KCNIP1: variants seen among roughly 807,000 people sequenced by gnomAD.
The protein encoded by KCNIP1 is A-type potassium channel modulatory protein KCNIP1.
KCNIP1 carries 18 observed loss-of-function variants against 33.0 expected under a neutral mutation model. The ratio of observed to expected loss-of-function variants is 0.55; its 90% CI spans 0.38 to 0.81. The LOEUF (loss-of-function observed/expected upper bound fraction) is 0.81. KCNIP1 is among the 30% of genes least tolerant of loss of function. The pLI is 0.00. For synonymous variants in KCNIP1, 93 were observed against 98.3 expected (o/e 0.95, Z 0.32); for missense variants, 238 against 271.6 (o/e 0.88, Z 0.87).
At chr5:170,360,234 C>A (rs1160494570) in intron 1 of KCNIP1, among the ~76,000 whole-genome samples, 1 of 152,174 alleles carries the variant, frequency 6.6e-6, no homozygotes, top group Non-Finnish European at 1.5e-5. Context: ...TCCCTGAAAG[C>A]CTTTGCTTCC....
At chr5:170,621,472 CACTTGAA>C (rs1262816901) in intron 1 of KCNIP1, among the ~76,000 whole-genome samples, 2 of 152,144 alleles carry the variant, frequency 1.3e-5, no homozygotes, top group African/African-American at 4.8e-5. Context: ...TGAGGGTCAG[CACTTGAA>C]TCTCTGCAGG....
At chr5:170,403,666 GC>G (rs1412367800) in intron 1 of KCNIP1, among the ~76,000 whole-genome samples, 1 of 152,220 alleles carries the variant, frequency 6.6e-6, no homozygotes, top group Admixed American at 6.5e-5. Flanking sequence ...TGGGATGGAA[GC>G]CGTGGTCAGC....
intron 1 of KCNIP1, among the ~76,000 whole-genome samples, chr5:170,407,019 C>T (rs1031211757): frequency 2.6e-5 from 4 of 152,252 alleles, no homozygotes; most frequent in African/African-American, 9.6e-5. Flanking sequence ...GCAAGATACT[C>T]AGCCTATGAA....
intron 1 of KCNIP1, among the ~76,000 whole-genome samples, chr5:170,693,120 G>C (rs1483429339): frequency 6.6e-6 from 1 of 152,172 alleles, no homozygotes; most frequent in Non-Finnish European, 1.5e-5. Flanking sequence ...GAATGGAAAT[G>C]CCCAGCCCAG....
chr5:170,567,961 G>A (rs962365320), intron 1 of KCNIP1, among the ~76,000 whole-genome samples: 10 of 152,164 alleles, frequency 6.6e-5, no homozygotes, highest in African/African-American at 2.4e-4. Flanking sequence ...AGGATGGCTC[G>A]GGTGTGTGGA....
chr5:170,563,632 GTT>G (rs34263461), intron 1 of KCNIP1, among the ~76,000 whole-genome samples: 2 of 149,174 alleles, frequency 1.3e-5, no homozygotes, highest in African/African-American at 2.4e-5. Context: ...AAGGTGTTTT[GTT>G]TTTTTTTTTG....
intron 1 of KCNIP1, among the ~76,000 whole-genome samples, chr5:170,546,396 A>G (rs1032309108): frequency 2.0e-5 from 3 of 152,124 alleles, no homozygotes; most frequent in South Asian, 2.1e-4. Context: ...GCAGTGTCCT[A>G]TGCGTTAAAG....
At chr5:170,408,317 A>C (rs1755090563) in intron 1 of KCNIP1, among the ~76,000 whole-genome samples, 1 of 152,200 alleles carries the variant, frequency 6.6e-6, no homozygotes, top group Admixed American at 6.5e-5. Context: ...GAGCAGGGCC[A>C]TTGGAGGGAG....
intron 1 of KCNIP1, among the ~76,000 whole-genome samples, chr5:170,517,680 GTGACGGTGGTGA>G (rs1755186220): frequency 6.6e-6 from 1 of 151,830 alleles, no homozygotes; most frequent in South Asian, 2.1e-4. Flanking sequence ...GGTGATGATA[GTGACGGTGGTGA>G]TGATGGTGAT....
At chr5:170,518,375 C>T (rs1373374111) in intron 1 of KCNIP1, among the ~76,000 whole-genome samples, 1 of 152,190 alleles carries the variant, frequency 6.6e-6, no homozygotes, top group Non-Finnish European at 1.5e-5. Context: ...TCAGCCCATG[C>T]CTTCAGATTT....
chr5:170,686,905 T>C (rs1581500642), intron 1 of KCNIP1, among the ~76,000 whole-genome samples: 3 of 152,234 alleles, frequency 2.0e-5, no homozygotes, highest in African/African-American at 7.2e-5. Context: ...AGATTCCTCC[T>C]CTCTACCTTG....
chr5:170,662,235 C>T (rs1761527532), intron 1 of KCNIP1, among the ~76,000 whole-genome samples: 1 of 152,202 alleles, frequency 6.6e-6, no homozygotes, highest in African/African-American at 2.4e-5. Context: ...TAAGCTCAGC[C>T]AGTGCAAAGA....
Position 170,504,112 on chromosome 5 carries a change from A to G in KCNIP1, c.-461A>G. 2 of 987,376 alleles carry G rather than the reference A, an allele frequency of 2.0e-6. No individual in the cohort carries two copies. Among genetic ancestry groups the G allele is most frequent in the Non-Finnish European group, 2.4e-6 (2 of 831,832 alleles). The allele number at this position is 987,376 out of a possible 1,614,324, so 61.2% of individuals were successfully genotyped here. A position where few individuals can be genotyped will look rare whatever the true frequency, so the allele number is the denominator to read the frequency against. ...GCGGTCCGGGCTCTGTTCATTCATG[A>G]TTGGTACTCGGCCCTCCGAGACCCA... On this transcript the variant is annotated 5_prime_UTR_variant, in exon 1 of 8. Coordinates refer to ENST00000328939, the MANE Select transcript of KCNIP1 (RefSeq NM_014592.4). This position sits in a 1 kb window ranked among gnomAD's most constrained non-coding sequence, Gnocchi z 6.0.
upstream of KCNIP1, among the ~76,000 whole-genome samples, chr5:170,503,320 G>T (rs1190652412): frequency 2.7e-5 from 4 of 150,678 alleles, no homozygotes; most frequent in Non-Finnish European, 5.9e-5. Flanking sequence ...CTTGAATCTG[G>T]GAGGCAGAGG....
At chr5:170,685,526 T>C (rs1347263428) in intron 1 of KCNIP1, among the ~76,000 whole-genome samples, 4 of 151,856 alleles carry the variant, frequency 2.6e-5, no homozygotes, top group African/African-American at 9.7e-5. Flanking sequence ...TCTCACTCTG[T>C]CGCCCAGGCT....
intron 1 of KCNIP1, among the ~76,000 whole-genome samples, chr5:170,636,131 A>G (rs1760270550): frequency 6.6e-6 from 1 of 152,250 alleles, no homozygotes; most frequent in Admixed American, 6.5e-5. Flanking sequence ...AGTTTGTTGT[A>G]TTAGACAGTG....
intron 1 of KCNIP1, chr5:170,680,439 A>T (rs1410516418): frequency 6.6e-6 from 1 of 152,158 alleles, no homozygotes; most frequent in East Asian, 1.9e-4. Context: ...CTGATTACCC[A>T]TCTAATAATT....
chr5:170,462,316 A>G (rs1756523674), intron 1 of KCNIP1, among the ~76,000 whole-genome samples: 1 of 151,670 alleles, frequency 6.6e-6, no homozygotes, highest in Admixed American at 6.6e-5. Context: ...AAATTGGGCT[A>G]AGGACATGAA....
chr5:170,505,078 A>G (rs1231674872), intron 1 of KCNIP1, among the ~76,000 whole-genome samples: 1 of 152,170 alleles, frequency 6.6e-6, no homozygotes, highest in Admixed American at 6.5e-5. Flanking sequence ...TCCCTTCATC[A>G]GGAAGAGTGC....
Sources: gnomAD v4.1 joint callset for allele counts (sites outside exome capture counted in the v4.1 genomes callset) on GRCh38, gnomAD v4.1.1 for gene constraint, Gnocchi (gnomAD v3.1) non-coding constraint, MANE v1.5 for transcripts, NCBI Gene and HGNC (gene_info 2026-07-23, HGNC 2026-07-21) for gene names.